CHD2: variants seen among roughly 807,000 people sequenced by gnomAD.
CHD2 encodes ATP-dependent chromatin remodeler CHD2.
A neutral mutation model predicts 243.9 loss-of-function variants in CHD2; 28 were observed. That is an observed-to-expected ratio of 0.11 (90% confidence interval 0.09 to 0.16). The LOEUF (loss-of-function observed/expected upper bound fraction) is 0.16, where lower values mean the gene tolerates loss of function less well. Ranked by LOEUF, CHD2 falls within the 10% of genes least tolerant of loss-of-function variation. The pLI is 1.00. For missense variants in CHD2, 1,386 were observed against 2,209.8 expected (o/e 0.63, Z 7.47); for synonymous variants, 775 against 779.0 (o/e 0.99, Z 0.09).
intron 16 of CHD2, among the ~76,000 whole-genome samples, chr15:92,959,742 T>C (rs1271215421): frequency 2.0e-5 from 3 of 152,254 alleles, no homozygotes; most frequent in African/African-American, 7.2e-5. Context: ...TCCACCGTCC[T>C]TGGCCTCCCA....
chr15:93,026,531 T>A lies in CHD2; in HGVS notation c.*1826T>A, dbSNP rs1174693419. On this transcript the variant is annotated 3_prime_UTR_variant, in exon 39 of 39. Coordinates refer to ENST00000394196, the MANE Select transcript of CHD2 (RefSeq NM_001271.4). ...CCCGCTTGCTGAACCCTCACAGTTC[T>A]TGGGGTTGTCCAGCCTGGACTTGTA... is the stretch of plus-strand genomic sequence containing the variant. 6.6e-6 allele frequency: 1 copy of A among 152,268 alleles called. No homozygotes were observed. The highest frequency in any genetic ancestry group is 1.9e-4 in the East Asian group (1 of 5,190). The allele number at this position is 152,268 out of a possible 1,614,324, so 9.4% of individuals were successfully genotyped here. A position where few individuals can be genotyped will look rare whatever the true frequency, so the allele number is the denominator to read the frequency against.
chr15:93,019,765 C>T (rs2054509060), intron 37 of CHD2, among the ~76,000 whole-genome samples: 1 of 152,056 alleles, frequency 6.6e-6, no homozygotes, highest in African/African-American at 2.4e-5. Context: ...GAAACCCTGT[C>T]TCTACTAAAA....
chr15:93,011,473 A>G (rs62023152), intron 35 of CHD2, among the ~76,000 whole-genome samples: 19,634 of 152,162 alleles, frequency 0.13, 1,500 homozygotes, highest in Non-Finnish European at 0.18. Flanking sequence ...TTCAGGATTT[A>G]AAGACAGTTT....
chr15:92,939,620 G>A lies in CHD2; in HGVS notation c.594G>A (p.Gln198=). Residue 198 remains glutamine, a synonymous_variant, in exon 7 of 39, where the codon CAG becomes CAA. Coordinates refer to ENST00000394196, the MANE Select transcript of CHD2 (RefSeq NM_001271.4). The part of the protein sequence containing the change: ...KPRVKKQPKT[Q]RGKRKKQDSS... ...GTGTTAAAAAGCAGCCGAAGACTCA[G>A]CGTGGAAAGAGAAAAAAGCAAGATT... 1 of 1,614,184 alleles carries A rather than the reference G, an allele frequency of 6.2e-7. No individual in the cohort carries two copies.
intron 6 of CHD2, among the ~76,000 whole-genome samples, chr15:92,938,509 G>A (rs755645753): frequency 2.0e-5 from 3 of 152,080 alleles, no homozygotes; most frequent in Non-Finnish European, 4.4e-5. Flanking sequence ...CCAACCTCTG[G>A]CCTAGGACAT....
chr15:93,010,908 C>G (rs1237918904), intron 35 of CHD2, among the ~76,000 whole-genome samples: 1 of 152,152 alleles, frequency 6.6e-6, no homozygotes, highest in African/African-American at 2.4e-5. Context: ...TGTCCAATCT[C>G]AGAGGACTGG....
chr15:93,021,618 T>C (rs1488525537), intron 38 of CHD2: 1 of 152,244 alleles, frequency 6.6e-6, no homozygotes, highest in Non-Finnish European at 1.5e-5. Context: ...CACTAATACT[T>C]TCCTTTTCAA....
intron 17 of CHD2, among the ~76,000 whole-genome samples, chr15:92,969,642 T>C (rs2053813924): frequency 6.6e-6 from 1 of 152,208 alleles, no homozygotes; most frequent in Non-Finnish European, 1.5e-5. Flanking sequence ...TTGTTTTTAA[T>C]GGTAAAAATA....
chr15:92,911,933 A>G (rs550591326), intron 2 of CHD2, among the ~76,000 whole-genome samples: 1 of 152,318 alleles, frequency 6.6e-6, no homozygotes, highest in East Asian at 1.9e-4. Context: ...CTGCTGTTCA[A>G]AAGGCCATGA....
chr15:92,970,816 A>G (rs904263386), intron 17 of CHD2, among the ~76,000 whole-genome samples: 1 of 152,170 alleles, frequency 6.6e-6, no homozygotes, highest in African/African-American at 2.4e-5. Flanking sequence ...ATAGTTCTGG[A>G]GTGAAGACCT....
Position 92,997,174 on chromosome 15 carries a change from T to C in CHD2, c.3734+79T>C. On this transcript the variant is annotated intron_variant, in intron 29 of 38. Coordinates refer to ENST00000394196, the MANE Select transcript of CHD2 (RefSeq NM_001271.4). The surrounding 1 kb of genome is among the most constrained non-coding windows in gnomAD (Gnocchi z 4.1). Reference sequence around the variant, plus strand: ...TGAAGTTAGACTTTGTGTAGTTCCATAGTATTTTTACTGTCTCTTCTTTAA... The same window carrying C: ...TGAAGTTAGACTTTGTGTAGTTCCACAGTATTTTTACTGTCTCTTCTTTAA... 6.2e-7 allele frequency: 1 copy of C among 1,606,536 alleles called. No individual in the cohort carries two copies. Among genetic ancestry groups the C allele is most frequent in the Non-Finnish European group, 8.5e-7 (1 of 1,176,876 alleles).
intron 20 of CHD2, 42 bp downstream of exon 20, chr15:92,974,992 T>C (rs1452469713): frequency 2.7e-6 from 4 of 1,505,500 alleles, no homozygotes; most frequent in Non-Finnish European, 3.7e-6. Flanking sequence ...ACTTGGGCTC[T>C]GCATCAAGGG....
intron 25 of CHD2, among the ~76,000 whole-genome samples, chr15:92,984,722 T>C (rs1252708436): frequency 6.6e-6 from 1 of 152,210 alleles, no homozygotes; most frequent in Non-Finnish European, 1.5e-5. Flanking sequence ...ATTGGCTCTT[T>C]GTGAAGCTGA....
At chr15:92,917,444 C>G (rs1203708314) in intron 2 of CHD2, among the ~76,000 whole-genome samples, 3 of 152,162 alleles carry the variant, frequency 2.0e-5, no homozygotes, top group Non-Finnish European at 2.9e-5. Context: ...GCCTGTAATT[C>G]CAGCTACTCT....
rs530690282 is a variant in CHD2, at chr15:92,978,585, G to T, written c.2727+202G>T. Reference sequence around the variant, plus strand: ...TATTAAGGAACTTTTCTTTTTCTCTGTTTGAAAAGTACAACATCAGCGACC... The same window carrying T: ...TATTAAGGAACTTTTCTTTTTCTCTTTTTGAAAAGTACAACATCAGCGACC... On this transcript the variant is annotated intron_variant, in intron 21 of 38. Coordinates refer to ENST00000394196, the MANE Select transcript of CHD2 (RefSeq NM_001271.4). 2.0e-5 allele frequency among the ~76,000 whole-genome samples: 3 copies of T among 152,266 alleles called. No individual in the cohort carries two copies. The East Asian group carries it at 5.8e-4, about 29-fold the overall frequency.
intron 4 of CHD2, among the ~76,000 whole-genome samples, chr15:92,928,362 AT>A (rs1015020393): frequency 2.6e-5 from 4 of 152,232 alleles, no homozygotes; most frequent in Admixed American, 1.3e-4. Context: ...AGGGTACAAG[AT>A]TAACAGCAAT....
intron 2 of CHD2, among the ~76,000 whole-genome samples, chr15:92,910,180 G>A (rs924414378): frequency 7.3e-5 from 11 of 151,608 alleles, no homozygotes; most frequent in Non-Finnish European, 1.0e-4. Context: ...CTAATTTTTT[G>A]AATTTTTTGT....
intron 2 of CHD2, chr15:92,914,899 G>A (rs564299656): frequency 6.6e-6 from 1 of 152,302 alleles, no homozygotes; most frequent in East Asian, 1.9e-4. Flanking sequence ...GTTAACATCA[G>A]GTTACTTGAG....
chr15:92,997,225 T>C lies in CHD2; in HGVS notation c.3735-28T>C. On this transcript the variant is annotated intron_variant, in intron 29 of 38. Coordinates refer to ENST00000394196, the MANE Select transcript of CHD2 (RefSeq NM_001271.4). The surrounding 1 kb of genome is among the most constrained non-coding windows in gnomAD (Gnocchi z 4.1). ...CATACCAAAAAGGCCCCTCTTCTAA[T>C]GTCTTCCTGTTTTTAAACTTTCTTT... is the stretch of plus-strand genomic sequence containing the variant. The C allele has an allele frequency of 6.2e-7, 1 of 1,613,714 alleles. No homozygotes were observed. The highest frequency in any genetic ancestry group is 8.5e-7 in the Non-Finnish European group (1 of 1,179,898).
Sources: allele counts gnomAD v4.1 joint callset (sites outside exome capture counted in the v4.1 genomes callset), GRCh38; gene constraint gnomAD v4.1.1; non-coding constraint Gnocchi (gnomAD v3.1); transcripts MANE v1.5; gene names NCBI Gene and HGNC (gene_info 2026-07-23, HGNC 2026-07-21).